The following ADGRL4 variants were observed in gnomAD, a reference collection of about 807,000 sequenced individuals.
The protein encoded by ADGRL4 is adhesion G protein-coupled receptor L4, also known as EGF, latrophilin and seven transmembrane domain containing 1.
A neutral mutation model predicts 74.8 loss-of-function variants in ADGRL4; 90 were observed. The observed-to-expected ratio is 1.20, with a 90% confidence interval of 1.02 to 1.43. The LOEUF (loss-of-function observed/expected upper bound fraction) is 1.43. ADGRL4 is among the 40% of genes most tolerant of loss of function. ADGRL4 has a pLI of 0.00. For missense variants in ADGRL4, 881 were observed against 814.3 expected (o/e 1.08, Z -1.00); for synonymous variants, 311 against 279.2 (o/e 1.11, Z -1.14).
intron 12 of ADGRL4, among the ~76,000 whole-genome samples, chr1:78,896,434 T>C (rs1011071980): frequency 3.3e-5 from 5 of 152,100 alleles, no homozygotes; most frequent in Non-Finnish European, 7.4e-5. Flanking sequence ...AAAACCAAAC[T>C]GCTGTTCTTC....
chr1:78,922,795 A>C (rs1649028393), intron 8 of ADGRL4, among the ~76,000 whole-genome samples: 1 of 152,004 alleles, frequency 6.6e-6, no homozygotes, highest in Non-Finnish European at 1.5e-5. Flanking sequence ...GTAATATAGA[A>C]TCAAACTCAA....
chr1:78,993,736 T>A (rs1650659949), intron 2 of ADGRL4, among the ~76,000 whole-genome samples: 1 of 151,736 alleles, frequency 6.6e-6, no homozygotes, highest in Admixed American at 6.6e-5. Flanking sequence ...GCTCGGCTAA[T>A]TTTTTTTGTA....
At chr1:78,905,187 T>G (rs1648609579) in intron 12 of ADGRL4, among the ~76,000 whole-genome samples, 2 of 152,080 alleles carry the variant, frequency 1.3e-5, no homozygotes, top group African/African-American at 2.4e-5. Context: ...ATGGATATAA[T>G]TCAAGAGTAA....
chr1:78,984,057 G>A (rs762139571), intron 2 of ADGRL4, among the ~76,000 whole-genome samples: 7 of 151,780 alleles, frequency 4.6e-5, no homozygotes, highest in Non-Finnish European at 1.0e-4. Context: ...CAGGTAAGTC[G>A]AAAACAACAT....
intron 2 of ADGRL4, among the ~76,000 whole-genome samples, chr1:78,991,326 A>G (rs1401880972): frequency 6.6e-6 from 1 of 152,030 alleles, no homozygotes; most frequent in African/African-American, 2.4e-5. Flanking sequence ...ATCAAGCCCC[A>G]AAAACCTCAT....
intron 12 of ADGRL4, among the ~76,000 whole-genome samples, chr1:78,896,903 A>T (rs1248707802): frequency 6.6e-6 from 1 of 152,138 alleles, no homozygotes; most frequent in Non-Finnish European, 1.5e-5. Flanking sequence ...CAGTGAGTTC[A>T]TCATAGTTTC....
chr1:78,952,172 T>C (rs1393270715), intron 2 of ADGRL4, among the ~76,000 whole-genome samples: 1 of 152,126 alleles, frequency 6.6e-6, no homozygotes, highest in South Asian at 2.1e-4. Flanking sequence ...TTGAAATCTA[T>C]GGAACTTTAA....
At chr1:78,957,495 T>A (rs1051085065) in intron 2 of ADGRL4, among the ~76,000 whole-genome samples, 2 of 152,194 alleles carry the variant, frequency 1.3e-5, no homozygotes, top group Non-Finnish European at 2.9e-5. Context: ...GGTGAAAGTT[T>A]TAGTTGTCTG....
intron 2 of ADGRL4, among the ~76,000 whole-genome samples, chr1:78,984,379 T>C (rs1174370724): frequency 6.6e-6 from 1 of 151,652 alleles, no homozygotes; most frequent in African/African-American, 2.4e-5. Flanking sequence ...AAACTAAAAT[T>C]AGAACTAAAA....
At chr1:78,923,041 G>A (rs993425440) in intron 8 of ADGRL4, among the ~76,000 whole-genome samples, 2 of 151,974 alleles carry the variant, frequency 1.3e-5, no homozygotes, top group African/African-American at 4.8e-5. Flanking sequence ...TGTCTGGAAT[G>A]AGTCTGGAAA....
chr1:78,971,693 C>A (rs1334786451), intron 2 of ADGRL4, among the ~76,000 whole-genome samples: 1 of 152,170 alleles, frequency 6.6e-6, no homozygotes, highest in Admixed American at 6.5e-5. Flanking sequence ...CACTATGTGA[C>A]TTGTTCAGAT....
At chr1:78,947,508 G>T (rs1649627773) in intron 2 of ADGRL4, among the ~76,000 whole-genome samples, 1 of 152,124 alleles carries the variant, frequency 6.6e-6, no homozygotes, top group South Asian at 2.1e-4. Context: ...AAGCAGCATG[G>T]TTCTGCTGAC....
chr1:78,944,661 A>G (rs1357372285), intron 3 of ADGRL4, among the ~76,000 whole-genome samples: 4 of 152,244 alleles, frequency 2.6e-5, no homozygotes, highest in Admixed American at 6.5e-5. Flanking sequence ...TCTACTACAC[A>G]TTTAAGTATT....
intron 2 of ADGRL4, among the ~76,000 whole-genome samples, chr1:78,988,806 G>A (rs756353440): frequency 3.2e-4 from 49 of 151,884 alleles, no homozygotes; most frequent in Non-Finnish European, 5.8e-4. Flanking sequence ...CACCAAATTC[G>A]TCTTTAAAAC....
intron 2 of ADGRL4, among the ~76,000 whole-genome samples, chr1:79,000,036 C>T (rs1008305795): frequency 2.6e-5 from 4 of 152,062 alleles, no homozygotes; most frequent in African/African-American, 9.7e-5. Context: ...TTTTGCATAA[C>T]ATTTTTATTC....
At position 78,890,950 on chromosome 1, in the gene ADGRL4, A is replaced by G; in HGVS notation, c.*204T>C. 1.8e-6 allele frequency: 1 copy of G among 568,164 alleles called. No homozygotes were observed. Among genetic ancestry groups the G allele is most frequent in the Non-Finnish European group, 3.2e-6 (1 of 315,810 alleles). 35.2% of individuals were successfully genotyped at this position (568,164 alleles called of 1,614,324 possible). A position where few individuals can be genotyped will look rare whatever the true frequency, so the allele number is the denominator to read the frequency against. On this transcript the variant is annotated 3_prime_UTR_variant, in exon 15 of 15. Coordinates refer to ENST00000370742, the MANE Select transcript of ADGRL4 (RefSeq NM_022159.4). The stretch of plus-strand genomic sequence containing the variant: ...TATTTTTGACAGAACTATTTCACAT[A>G]GAAAAACATAGTATATCTATATGAT...
intron 12 of ADGRL4, among the ~76,000 whole-genome samples, chr1:78,912,910 A>G (rs1388386621): frequency 2.6e-5 from 4 of 151,882 alleles, no homozygotes; most frequent in Admixed American, 1.3e-4. Context: ...TAATTCCAGA[A>G]CTATAAGGAA....
chr1:78,998,371 T>TTC (rs1010687335), intron 2 of ADGRL4, among the ~76,000 whole-genome samples: 3 of 126,788 alleles, frequency 2.4e-5, no homozygotes, highest in Non-Finnish European at 3.4e-5. Context: ...TCTTTTTTTT[T>TTC]TTTTTTTTTT....
At chr1:78,932,169 A>G (rs1467952299) in intron 7 of ADGRL4, among the ~76,000 whole-genome samples, 1 of 151,572 alleles carries the variant, frequency 6.6e-6, no homozygotes. Flanking sequence ...AATCGACTAC[A>G]TAACTGGAAG....
Sources: allele counts gnomAD v4.1 joint callset (sites outside exome capture counted in the v4.1 genomes callset), GRCh38; gene constraint gnomAD v4.1.1; transcripts MANE v1.5; gene names NCBI Gene and HGNC (gene_info 2026-07-23, HGNC 2026-07-21).